The following CLSTN2 variants were observed in gnomAD, a reference collection of about 807,000 sequenced individuals.
The protein encoded by CLSTN2 is calsyntenin-2.
CLSTN2 carries 48 observed loss-of-function variants against 101.2 expected under a neutral mutation model. That is an observed-to-expected ratio of 0.47 (90% CI 0.38 to 0.60). CLSTN2 has a LOEUF of 0.60. Ranked by LOEUF, CLSTN2 falls within the 20% of genes least tolerant of loss-of-function variation. The pLI is 0.00. For synonymous variants in CLSTN2, 481 were observed against 463.6 expected, an observed-to-expected ratio of 1.04 and a Z score of -0.48; for missense variants, 1,160 against 1,238.2, an observed-to-expected ratio of 0.94 and a Z score of 0.95.
chr3:140,208,943 T>C (rs1325623569), intron 2 of CLSTN2, among the ~76,000 whole-genome samples: 1 of 152,198 alleles, frequency 6.6e-6, no homozygotes, highest in Non-Finnish European at 1.5e-5. Context: ...CCACCTTCAC[T>C]GTCTGGCTAT....
At chr3:140,005,476 C>A in intron 1 of CLSTN2, among the ~76,000 whole-genome samples, 1 of 152,202 alleles carries the variant, frequency 6.6e-6, no homozygotes, top group South Asian at 2.1e-4. Context: ...CTTCGTTCAC[C>A]CCCTGCCCAC....
intron 1 of CLSTN2, among the ~76,000 whole-genome samples, chr3:139,959,868 A>G (rs1935474596): frequency 6.6e-6 from 1 of 152,158 alleles, no homozygotes; most frequent in African/African-American, 2.4e-5. Context: ...TCTTTGGATT[A>G]TCTTATCCCA....
chr3:140,100,531 T>C (rs995683594), intron 1 of CLSTN2, among the ~76,000 whole-genome samples: 6 of 152,240 alleles, frequency 3.9e-5, no homozygotes, highest in Non-Finnish European at 8.8e-5. Flanking sequence ...GGGATTCCCT[T>C]AAGTTCTCTT....
intron 6 of CLSTN2, among the ~76,000 whole-genome samples, chr3:140,455,824 A>C (rs548367531): frequency 2.6e-5 from 4 of 152,358 alleles, no homozygotes; most frequent in African/African-American, 7.2e-5. Flanking sequence ...CAAAAAATGA[A>C]ATACAATCTG....
At position 140,445,916 on chromosome 3, in the gene CLSTN2, G is replaced by T. The variant is rs140652242; in HGVS notation, c.788-2603G>T. On this transcript the variant is annotated intron_variant, in intron 5 of 16. Coordinates refer to ENST00000458420, the MANE Select transcript of CLSTN2 (RefSeq NM_022131.3). Reference sequence around the variant, plus strand: ...ATGAAGCTTAGAGTCTAATGCTGCAGCCTCATGTTGAAAATACTGTAGAAG... The same window carrying T: ...ATGAAGCTTAGAGTCTAATGCTGCATCCTCATGTTGAAAATACTGTAGAAG... 2.6e-5 allele frequency among the ~76,000 whole-genome samples: 4 copies of T among 152,266 alleles called. No homozygotes were observed. In the East Asian group the frequency reaches 7.7e-4, roughly 29 times the overall value.
At chr3:140,548,249 A>G (rs949692417) in intron 10 of CLSTN2, among the ~76,000 whole-genome samples, 16 of 152,220 alleles carry the variant, frequency 1.1e-4, no homozygotes, top group Admixed American at 4.6e-4. Context: ...GAACTCAGTG[A>G]CCCAAGCAGA....
At chr3:140,455,643 C>T (rs769043685) in intron 6 of CLSTN2, among the ~76,000 whole-genome samples, 8 of 152,120 alleles carry the variant, frequency 5.3e-5, no homozygotes, top group African/African-American at 1.4e-4. Flanking sequence ...GGGACCTTCA[C>T]GGAGGATTCC....
intron 4 of CLSTN2, among the ~76,000 whole-genome samples, chr3:140,407,598 C>T (rs1044127151): frequency 6.6e-6 from 1 of 152,132 alleles, no homozygotes; most frequent in Non-Finnish European, 1.5e-5. Context: ...AGTGGTGCAA[C>T]AATTATTAAA....
chr3:140,152,211 G>A (rs1576447122), intron 1 of CLSTN2, among the ~76,000 whole-genome samples: 1 of 152,020 alleles, frequency 6.6e-6, no homozygotes, highest in Non-Finnish European at 1.5e-5. Context: ...GTCCTTGGGA[G>A]CTTTTCCAGG....
At chr3:140,487,828 A>C (rs1417434165) in intron 8 of CLSTN2, among the ~76,000 whole-genome samples, 1 of 152,222 alleles carries the variant, frequency 6.6e-6, no homozygotes, top group African/African-American at 2.4e-5. Flanking sequence ...ATTAGTCACA[A>C]ATACAGGGAA....
At chr3:139,965,169 A>G (rs1321218527) in intron 1 of CLSTN2, among the ~76,000 whole-genome samples, 1 of 152,238 alleles carries the variant, frequency 6.6e-6, no homozygotes, top group East Asian at 1.9e-4. Flanking sequence ...GTTTAAAGTA[A>G]TTAATCAAAG....
At chr3:140,260,932 T>G (rs1227975250) in intron 2 of CLSTN2, among the ~76,000 whole-genome samples, 1 of 152,190 alleles carries the variant, frequency 6.6e-6, no homozygotes, top group Non-Finnish European at 1.5e-5. Flanking sequence ...AAAAACTGGT[T>G]TATGGGTTAT....
At chr3:140,398,625 A>C (rs2088208413) in intron 2 of CLSTN2, among the ~76,000 whole-genome samples, 2 of 152,214 alleles carry the variant, frequency 1.3e-5, no homozygotes, top group Non-Finnish European at 2.9e-5. Flanking sequence ...AGCTGCATGA[A>C]AGAACAAAAA....
At position 140,425,286 on chromosome 3, in the gene CLSTN2, G is replaced by A. The variant is rs149690752; in HGVS notation, c.787+4012G>A. Among the ~76,000 whole-genome samples, 759 of 152,220 alleles carry A rather than the reference G, an allele frequency of 5.0e-3. 7 individuals are homozygous for A. Among genetic ancestry groups the A allele is most frequent in the Non-Finnish European group, 8.0e-3 (541 of 68,000 alleles). Reference sequence around the variant, plus strand: ...CACAGCTGGAGCCTTTCCTTCCTTCGCAGGGCCCATGAGGACTTGCTCTCA... The same window carrying A: ...CACAGCTGGAGCCTTTCCTTCCTTCACAGGGCCCATGAGGACTTGCTCTCA... On this transcript the variant is annotated intron_variant, in intron 5 of 16. Coordinates refer to ENST00000458420, the MANE Select transcript of CLSTN2 (RefSeq NM_022131.3).
rs1195347255 is a variant in CLSTN2, at chr3:140,566,283, G to A, written c.*30G>A. ...CAGGGGTCTGCTGCCTGGCCCACATGTCCCTTTTGTAAACCCTGACCCAGT... is the reference window on the plus strand; with the variant it reads ...CAGGGGTCTGCTGCCTGGCCCACATATCCCTTTTGTAAACCCTGACCCAGT... On this transcript the variant is annotated 3_prime_UTR_variant, in exon 17 of 17. Coordinates refer to ENST00000458420, the MANE Select transcript of CLSTN2 (RefSeq NM_022131.3). 4 of 1,546,694 alleles carry A rather than the reference G, an allele frequency of 2.6e-6. No individual in the cohort carries two copies. Among genetic ancestry groups the A allele is most frequent in the East Asian group, 2.4e-5 (1 of 40,934 alleles).
intron 2 of CLSTN2, among the ~76,000 whole-genome samples, chr3:140,242,888 C>T (rs987456309): frequency 1.3e-5 from 2 of 152,162 alleles, no homozygotes; most frequent in African/African-American, 4.8e-5. Context: ...TCCCACGCTG[C>T]CCTCATTTGG....
intron 1 of CLSTN2, among the ~76,000 whole-genome samples, chr3:140,099,491 G>A (rs989047297): frequency 2.0e-5 from 3 of 152,062 alleles, no homozygotes; most frequent in Non-Finnish European, 4.4e-5. Flanking sequence ...GGATGATCTT[G>A]TTTCTAGATT....
At chr3:140,199,109 T>C (rs2010685807) in intron 2 of CLSTN2, among the ~76,000 whole-genome samples, 3 of 152,204 alleles carry the variant, frequency 2.0e-5, no homozygotes, top group African/African-American at 7.2e-5. Context: ...GGCCAGAAGA[T>C]GGAAAATCAG....
intron 2 of CLSTN2, among the ~76,000 whole-genome samples, chr3:140,281,144 C>A (rs1449867683): frequency 6.6e-6 from 1 of 152,168 alleles, no homozygotes; most frequent in Non-Finnish European, 1.5e-5. Flanking sequence ...GGGGAGATGG[C>A]ACATCATTAC....
Sources: allele counts gnomAD v4.1 joint callset (sites outside exome capture counted in the v4.1 genomes callset), GRCh38; gene constraint gnomAD v4.1.1; transcripts MANE v1.5; gene names NCBI Gene and HGNC (gene_info 2026-07-23, HGNC 2026-07-21).